The following SRRM3 variants were observed in gnomAD, a reference collection of about 807,000 sequenced individuals.
SRRM3 encodes the protein serine/arginine repetitive matrix protein 3.
Under a neutral mutation model 66.2 loss-of-function variants are expected in SRRM3, and 27 were observed. The observed-to-expected ratio is 0.41, with a 90% confidence interval of 0.30 to 0.56. The LOEUF (loss-of-function observed/expected upper bound fraction) is 0.56, where lower values mean the gene tolerates loss of function less well. SRRM3 is among the 20% of genes least tolerant of loss of function. The pLI is 0.32. For synonymous variants in SRRM3, 391 were observed against 414.9 expected (o/e 0.94, Z 0.70); for missense variants, 918 against 991.9 (o/e 0.93, Z 1.00).
In SRRM3 at chr7:76,282,761, AC is replaced by A; in HGVS notation, c.1489del (p.Arg497AlafsTer102). 1 of 1,463,464 alleles carries A rather than the reference AC, an allele frequency of 6.8e-7. No homozygotes were observed. The highest frequency in any genetic ancestry group is 1.3e-5 in the South Asian group (1 of 77,254). The allele number at this position is 1,463,464 out of a possible 1,614,324, so 90.7% of individuals were successfully genotyped here. On this transcript the variant is annotated frameshift_variant, in exon 13 of 15. Transcript: ENST00000611745. LOFTEE classifies it high-confidence loss of function. ...AGCTCGTCGCGCAGCCCCGGCCCGC[AC>A]CCCCGCTCCTGGAGCTCCAGCCGCT... ...GKSSSRSPGP[H>X]PRSWSSSRSP...
At chr7:76,223,516 A>G (rs979283634) in intron 1 of SRRM3, among the ~76,000 whole-genome samples, 11 of 152,200 alleles carry the variant, frequency 7.2e-5, no homozygotes, top group Non-Finnish European at 1.5e-4. Context: ...AAGTATCTTG[A>G]CAAACGATTG....
intron 1 of SRRM3, among the ~76,000 whole-genome samples, chr7:76,223,588 A>G (rs1050201061): frequency 6.6e-6 from 1 of 152,158 alleles, no homozygotes; most frequent in Non-Finnish European, 1.5e-5. Flanking sequence ...ACCTGGTTTC[A>G]TGGGTATTTA....
intron 11 of SRRM3, among the ~76,000 whole-genome samples, chr7:76,272,341 G>A (rs1019030978): frequency 6.6e-6 from 1 of 152,088 alleles, no homozygotes; most frequent in Non-Finnish European, 1.5e-5. Context: ...CACGAAGATC[G>A]CTTGAGACCA....
intron 2 of SRRM3, among the ~76,000 whole-genome samples, chr7:76,243,258 G>A (rs1801354082): frequency 6.6e-6 from 1 of 152,160 alleles, no homozygotes; most frequent in African/African-American, 2.4e-5. Flanking sequence ...TTCAAAAGCA[G>A]GACTGTTGGG....
chr7:76,235,152 C>T lies in SRRM3; in HGVS notation c.86C>T (p.Ser29Leu), dbSNP rs1554604653. The T allele has an allele frequency of 6.4e-7, 1 of 1,559,318 alleles. No homozygotes were observed. The highest frequency in any genetic ancestry group is 1.2e-5 in the South Asian group (1 of 85,516). ...GGCTTCCCGCAGCCCAGCTCCTCCT[C>T]GGGGACCTGGCCGCGGGCGGAAGAG... ...ANGFPQPSSSSGTWPRAEEEL... is the reference protein window; with the variant it reads ...ANGFPQPSSSLGTWPRAEEEL... The change falls in exon 2 of 15, where the codon TCG becomes TTG. Residue 29 changes from serine to leucine, a missense_variant. Transcript: ENST00000611745.
chr7:76,280,479 G>A (rs1329164490), intron 11 of SRRM3, among the ~76,000 whole-genome samples: 1 of 147,812 alleles, frequency 6.8e-6, no homozygotes, highest in Non-Finnish European at 1.5e-5. Context: ...TCCCGGTGCC[G>A]CTCTCTCTTC....
chr7:76,213,794 G>A (rs1366167936), intron 1 of SRRM3, among the ~76,000 whole-genome samples: 1 of 151,982 alleles, frequency 6.6e-6, no homozygotes, highest in Non-Finnish European at 1.5e-5. Flanking sequence ...TTTTTTAACA[G>A]GATTTTGCTC....
chr7:76,260,179 G>A lies in SRRM3; in HGVS notation c.527G>A (p.Gly176Asp), dbSNP rs1477837344. 64 of 1,541,196 alleles carry A rather than the reference G, an allele frequency of 4.2e-5. No homozygotes were observed. The highest frequency in any genetic ancestry group is 5.6e-5 in the Non-Finnish European group (64 of 1,145,262). ...CCCAAGAAAAAGAAGAAAAAGAAAG[G>A]CGGCCACCGGAGAAGCCGGTGAGAA... is the stretch of plus-strand genomic sequence containing the variant. ...PPPKKKKKKK[G>D]GHRRSRKKRR... The change falls in exon 5 of 15, where the codon GGC becomes GAC. Residue 176 changes from glycine to aspartate, a missense_variant. By Grantham distance (94) the Gly-to-Asp change is moderately conservative (BLOSUM62 -1). Coordinates refer to ENST00000611745, the MANE Select transcript of SRRM3 (RefSeq NM_001110199.3).
chr7:76,226,500 G>A (rs1291457914), intron 1 of SRRM3, among the ~76,000 whole-genome samples: 1 of 152,270 alleles, frequency 6.6e-6, no homozygotes, highest in Non-Finnish European at 1.5e-5. Context: ...TGAACTCTAA[G>A]GGTGGCCGGT....
chr7:76,276,780 GAGA>G (rs1241577120), intron 11 of SRRM3, among the ~76,000 whole-genome samples: 1 of 152,140 alleles, frequency 6.6e-6, no homozygotes, highest in Non-Finnish European at 1.5e-5. Flanking sequence ...GGGATGGGTG[GAGA>G]AGGACATGAG....
Position 76,262,854 on chromosome 7 carries a change from AGGAAAAGAAG to A in SRRM3, c.674+1281_674+1290del, listed in dbSNP as rs1801917291. Reference sequence around the variant, plus strand: ...AAAGAAAGAAAGAAAAGAAAAGGAAAGGAAAAGAAGGGAAAAGGGAAAGGAGAGGAGAGGA... The same window carrying A: ...AAAGAAAGAAAGAAAAGAAAAGGAAAGGAAAAGGGAAAGGAGAGGAGAGGA... On this transcript the variant is annotated intron_variant, in intron 8 of 14. Transcript: ENST00000611745. 2.0e-5 allele frequency among the ~76,000 whole-genome samples: 3 copies of A among 152,112 alleles called. No individual in the cohort carries two copies. In the South Asian group the frequency reaches 6.2e-4, roughly 32 times the overall value.
intron 1 of SRRM3, among the ~76,000 whole-genome samples, chr7:76,214,070 G>A (rs918127351): frequency 1.1e-4 from 17 of 152,002 alleles, no homozygotes; most frequent in African/African-American, 4.1e-4. Context: ...GAACCACTGC[G>A]CCCAACCCTC....
rs965267498 is a variant in SRRM3, at chr7:76,286,589, G to C, written c.*746G>C. On this transcript the variant is annotated 3_prime_UTR_variant, in exon 15 of 15. Coordinates refer to ENST00000611745, the MANE Select transcript of SRRM3 (RefSeq NM_001110199.3). ...CCAGGCCAGGCTCTCCTCACCCCAT[G>C]CCCTGGGCCAAGGTCCTACCAGCCA... is the stretch of plus-strand genomic sequence containing the variant. The C allele has an allele frequency of 6.6e-6, 1 of 152,388 alleles. No individual in the cohort carries two copies. Among genetic ancestry groups the C allele is most frequent in the African/African-American group, 2.4e-5 (1 of 41,456 alleles). 9.4% of individuals were successfully genotyped at this position (152,388 alleles called of 1,614,324 possible). A position where few individuals can be genotyped will look rare whatever the true frequency, so the allele number is the denominator to read the frequency against.
chr7:76,203,364 A>T (rs183065796), intron 1 of SRRM3, among the ~76,000 whole-genome samples: 1 of 152,332 alleles, frequency 6.6e-6, no homozygotes, highest in East Asian at 1.9e-4. Flanking sequence ...GACCTCAGGT[A>T]AGCCATTGAC....
chr7:76,270,008 C>T (rs1298744507), intron 11 of SRRM3: 1 of 151,922 alleles, frequency 6.6e-6, no homozygotes, highest in East Asian at 1.9e-4. Flanking sequence ...CCCACACCAA[C>T]AGCTCCTGCC....
chr7:76,214,732 T>C (rs1554602317), intron 1 of SRRM3, among the ~76,000 whole-genome samples: 1 of 152,076 alleles, frequency 6.6e-6, no homozygotes, highest in African/African-American at 2.4e-5. Flanking sequence ...AAGGAAAGGT[T>C]TGGCAGGGAC....
chr7:76,275,255 G>C (rs895556954), intron 11 of SRRM3, among the ~76,000 whole-genome samples: 2 of 152,058 alleles, frequency 1.3e-5, no homozygotes, highest in African/African-American at 4.8e-5. Flanking sequence ...AGGTGTCAGG[G>C]AGCTCACCCA....
intron 10 of SRRM3, among the ~76,000 whole-genome samples, chr7:76,266,908 A>G (rs138283116): frequency 6.6e-6 from 1 of 151,802 alleles, no homozygotes; most frequent in Non-Finnish European, 1.5e-5. Context: ...CCTGACCTCA[A>G]GCGATCCGCC....
chr7:76,256,115 C>G (rs1179069829), intron 3 of SRRM3, among the ~76,000 whole-genome samples: 1 of 152,106 alleles, frequency 6.6e-6, no homozygotes, highest in Non-Finnish European at 1.5e-5. Context: ...GATCTAAACC[C>G]CAAGAGAGGG....
Sources: allele counts gnomAD v4.1 joint callset (sites outside exome capture counted in the v4.1 genomes callset), GRCh38; gene constraint gnomAD v4.1.1; transcripts MANE v1.5; gene names NCBI Gene and HGNC (gene_info 2026-07-23, HGNC 2026-07-21).